The following SLC14A2 variants were observed in gnomAD, a reference collection of about 807,000 sequenced individuals.
SLC14A2 encodes the protein urea transporter 2.
SLC14A2 carries 91 observed loss-of-function variants against 104.6 expected under a neutral mutation model. That is an observed-to-expected ratio of 0.87 (90% CI 0.73 to 1.04). The LOEUF is 1.04. SLC14A2 is among the 50% of genes least tolerant of loss of function. The pLI, the probability that SLC14A2 is intolerant of heterozygous loss-of-function variation, is 0.00. For synonymous variants in SLC14A2, 476 were observed against 466.4 expected, an observed-to-expected ratio of 1.02 and a Z score of -0.27; for missense variants, 1,189 against 1,156.0, an observed-to-expected ratio of 1.03 and a Z score of -0.41.
At chr18:45,227,867 A>T (rs1289654584) in intron 1 of SLC14A2, among the ~76,000 whole-genome samples, 1 of 151,960 alleles carries the variant, frequency 6.6e-6, no homozygotes, top group African/African-American at 2.4e-5. Flanking sequence ...CTTTAACAAG[A>T]TACATGTGTT....
At chr18:45,243,836 C>A (rs934160577) in intron 1 of SLC14A2, among the ~76,000 whole-genome samples, 8 of 152,192 alleles carry the variant, frequency 5.3e-5, no homozygotes, top group African/African-American at 1.9e-4. Context: ...TTCCCCTGTT[C>A]TGTTACTGTG....
chr18:45,568,404 G>T (rs1380708786), intron 2 of SLC14A2, among the ~76,000 whole-genome samples: 3 of 152,246 alleles, frequency 2.0e-5, no homozygotes, highest in Admixed American at 6.5e-5. Context: ...CAGGGGACGT[G>T]CTGTCTAGCT....
In SLC14A2 at chr18:45,475,674, T is replaced by G. The variant is rs1282866375; in HGVS notation, c.-124-7559T>G. Among the ~76,000 whole-genome samples the G allele has an allele frequency of 3.0e-5, 3 of 99,522 alleles. No individual in the cohort carries two copies. The Admixed American group carries it at 3.2e-4, about 11-fold the overall frequency. 65.3% of individuals were successfully genotyped at this position (99,522 alleles called of 152,430 possible). On this transcript the variant is annotated intron_variant, in intron 1 of 20. Transcript: ENST00000586448. ...ATATATATATATATATATATATATA[T>G]ATATATATATATATGATAGTTATCT...
intron 10 of SLC14A2, among the ~76,000 whole-genome samples, chr18:45,651,868 A>G (rs529561927): frequency 1.3e-5 from 2 of 152,368 alleles, no homozygotes; most frequent in African/African-American, 4.8e-5. Flanking sequence ...CAAAATGCTC[A>G]ACATGGTTGC....
chr18:45,515,735 G>A (rs1022226212), intron 2 of SLC14A2: 4 of 152,242 alleles, frequency 2.6e-5, no homozygotes, highest in East Asian at 3.8e-4. Context: ...CATTGGGCCC[G>A]GGAGAGCAGG....
rs73955849 is a variant in SLC14A2 at position 45,509,319 on chromosome 18, G to T, written c.-35+25997G>T. Among the ~76,000 whole-genome samples the T allele has an allele frequency of 9.7e-3, 1,468 of 151,540 alleles. 20 individuals carry two copies. The highest frequency in any genetic ancestry group is 0.034 in the African/African-American group (1,391 of 41,268). On this transcript the variant is annotated intron_variant, in intron 2 of 20. Coordinates refer to the SLC14A2 transcript ENST00000586448. ...ATATATCTCTCTCTCTGTCTTTCTG[G>T]CCATCAATATCTGCTTGTCTCTCTT...
intron 18 of SLC14A2, 151 bp from the exon 19 acceptor site, chr18:45,678,824 C>T (rs2046267035): frequency 1.5e-6 from 1 of 678,478 alleles, no homozygotes. Flanking sequence ...TTTAAAGCTG[C>T]CAAGCAATGG....
intron 6 of SLC14A2, among the ~76,000 whole-genome samples, chr18:45,637,410 C>T (rs2045438157): frequency 6.6e-6 from 1 of 152,150 alleles, no homozygotes; most frequent in African/African-American, 2.4e-5. Flanking sequence ...ACTGATAATA[C>T]AAGACAATGA....
intron 2 of SLC14A2, among the ~76,000 whole-genome samples, chr18:45,593,486 C>T (rs1205506026): frequency 3.4e-5 from 3 of 88,782 alleles, no homozygotes; most frequent in African/African-American, 4.7e-5. Flanking sequence ...TTTCCTTAAT[C>T]TTTTTTTTTT....
At chr18:45,429,504 G>A (rs8091503) in intron 1 of SLC14A2, among the ~76,000 whole-genome samples, 85,438 of 152,090 alleles carry the variant, frequency 0.56, 24,146 homozygotes, top group Admixed American at 0.69. Flanking sequence ...GGAAAGCCTT[G>A]AGGAAGAAAT....
At chr18:45,620,788 G>A (rs932992785) in intron 1 of SLC14A2, among the ~76,000 whole-genome samples, 1 of 152,174 alleles carries the variant, frequency 6.6e-6, no homozygotes, top group Non-Finnish European at 1.5e-5. Flanking sequence ...ATTATATGAT[G>A]TATATTATTT....
chr18:45,198,453 T>C, the SLC14A2 span, among the ~76,000 whole-genome samples: 1 of 152,144 alleles, frequency 6.6e-6, no homozygotes, highest in East Asian at 1.9e-4. Flanking sequence ...TATTAAGGAT[T>C]TTAAAATTTT....
chr18:45,395,778 T>C (rs1198540719), intron 1 of SLC14A2, among the ~76,000 whole-genome samples: 1 of 152,152 alleles, frequency 6.6e-6, no homozygotes, highest in Non-Finnish European at 1.5e-5. Flanking sequence ...CCAAGCTAAA[T>C]AGTTTTTCTC....
intron 2 of SLC14A2, among the ~76,000 whole-genome samples, chr18:45,547,036 G>A (rs2043981553): frequency 1.3e-5 from 2 of 152,114 alleles, no homozygotes; most frequent in Non-Finnish European, 2.9e-5. Flanking sequence ...AACCTGAGCA[G>A]AGAGCACTTT....
intron 10 of SLC14A2, among the ~76,000 whole-genome samples, chr18:45,656,967 T>C (rs529637538): frequency 6.6e-6 from 1 of 152,298 alleles, no homozygotes; most frequent in East Asian, 1.9e-4. Context: ...GATTAAGAAG[T>C]TGAGCCTTCC....
At chr18:45,307,342 C>T (rs893651601) in intron 1 of SLC14A2, among the ~76,000 whole-genome samples, 7 of 143,162 alleles carry the variant, frequency 4.9e-5, no homozygotes, top group South Asian at 4.8e-4. Context: ...CGCTTGAACC[C>T]GGGAGGTGGA....
chr18:45,338,682 C>CAAAAAAAAAAAAAAAAAAAAAAAA (rs59474827), intron 1 of SLC14A2, among the ~76,000 whole-genome samples: 1 of 51,854 alleles, frequency 1.9e-5, no homozygotes, highest in Non-Finnish European at 3.7e-5. Flanking sequence ...CACTGGCTCA[C>CAAAAAAAAAAAAAAAAAAAAAAAA]AAAAAAAAAA....
chr18:45,604,208 T>C (rs1409938318), intron 2 of SLC14A2, among the ~76,000 whole-genome samples: 1 of 152,178 alleles, frequency 6.6e-6, no homozygotes, highest in Non-Finnish European at 1.5e-5. Context: ...ACTTCAAGAA[T>C]GAATATGATG....
chr18:45,238,042 G>A (rs887303647), intron 1 of SLC14A2, among the ~76,000 whole-genome samples: 4 of 152,144 alleles, frequency 2.6e-5, no homozygotes, highest in East Asian at 1.9e-4. Context: ...CAAGGTCTCC[G>A]GGGAGACAAG....
Sources: allele counts gnomAD v4.1 joint callset (sites outside exome capture counted in the v4.1 genomes callset), GRCh38; gene constraint gnomAD v4.1.1; transcripts MANE v1.5; gene names NCBI Gene and HGNC (gene_info 2026-07-23, HGNC 2026-07-21).